TMCC3: variants seen among roughly 807,000 people sequenced by gnomAD.
TMCC3 encodes transmembrane and coiled-coil domain family 3, also known as transmembrane and coiled-coil domain protein 3.
A neutral mutation model predicts 40.2 loss-of-function variants in TMCC3; 28 were observed. The observed-to-expected ratio is 0.70, with a 90% CI of 0.52 to 0.95. TMCC3 has a LOEUF of 0.95. Among genes scored for constraint, TMCC3 ranks in the 40% least tolerant of loss-of-function variants. The pLI is 0.00. For synonymous variants in TMCC3, 255 were observed against 248.5 expected (o/e 1.03, Z -0.25); for missense variants, 554 against 615.2 (o/e 0.90, Z 1.05).
At chr12:94,608,992 G>A (rs2068799552) in intron 1 of TMCC3, among the ~76,000 whole-genome samples, 2 of 152,066 alleles carry the variant, frequency 1.3e-5, no homozygotes, top group Admixed American at 1.3e-4. Context: ...CCAGCACTCT[G>A]GCTTGAGCCC....
At chr12:94,616,171 A>G in intron 1 of TMCC3, 1 of 855,634 alleles carries the variant, frequency 1.2e-6, no homozygotes, top group Non-Finnish European at 1.4e-6. Context: ...TATTCAACAC[A>G]TTGCTGTACA....
intron 1 of TMCC3, among the ~76,000 whole-genome samples, chr12:94,643,850 AC>A (rs2069003939): frequency 6.6e-6 from 1 of 152,260 alleles, no homozygotes; most frequent in South Asian, 2.1e-4. Flanking sequence ...GTTGAGACAT[AC>A]ACAGGTTCAA....
rs775704729 is a variant in TMCC3, at chr12:94,582,537, A to G, written c.80T>C (p.Val27Ala). 1 of 1,586,820 alleles carries G rather than the reference A, an allele frequency of 6.3e-7. No individual in the cohort carries two copies. Among genetic ancestry groups the G allele is most frequent in the South Asian group, 1.2e-5 (1 of 86,712 alleles). ...PGRHHRCKSR[V>A]ERHDMNTLSL... ...TAAGGTATTCATGTCATGACGTTCT[A>G]CCTGAAAGAGACAGGAAAGAAGCAC... The change falls in exon 2 of 4, where the codon GTA becomes GCA. Residue 27 changes from valine to alanine, a missense_variant and splice_region_variant. Transcript: ENST00000261226.
chr12:94,598,521 G>T, intron 1 of TMCC3: 1 of 946,940 alleles, frequency 1.1e-6, no homozygotes, highest in Non-Finnish European at 1.3e-6. Flanking sequence ...GCATTCATAA[G>T]TAGGAGAAGA....
At chr12:94,648,520 C>T (rs879907008) in intron 1 of TMCC3, among the ~76,000 whole-genome samples, 9 of 152,156 alleles carry the variant, frequency 5.9e-5, no homozygotes, top group Non-Finnish European at 1.2e-4. Context: ...CCACCGCCCC[C>T]GGCCCGTCAG....
chr12:94,619,546 C>CA (rs2068864380), intron 1 of TMCC3, among the ~76,000 whole-genome samples: 1 of 152,224 alleles, frequency 6.6e-6, no homozygotes, highest in Non-Finnish European at 1.5e-5. Flanking sequence ...GCATCAGACT[C>CA]AGCTGAGCCC....
intron 1 of TMCC3, among the ~76,000 whole-genome samples, chr12:94,630,522 T>C (rs1480944675): frequency 6.6e-6 from 1 of 152,116 alleles, no homozygotes; most frequent in East Asian, 1.9e-4. Flanking sequence ...GAGCCTCAGT[T>C]CTTCTTTCCT....
chr12:94,591,995 C>T (rs2068679097), intron 1 of TMCC3, among the ~76,000 whole-genome samples: 1 of 152,178 alleles, frequency 6.6e-6, no homozygotes, highest in Admixed American at 6.5e-5. Flanking sequence ...CATATTACTA[C>T]CTTCATGGGA....
At chr12:94,578,241 T>C (rs1454077517) in intron 3 of TMCC3, among the ~76,000 whole-genome samples, 153 bp downstream of exon 3, 1 of 151,820 alleles carries the variant, frequency 6.6e-6, no homozygotes, top group African/African-American at 2.4e-5. Flanking sequence ...CTAGTGGGGT[T>C]AACGTGGTAC....
rs751266140 is a variant in TMCC3, at chr12:94,568,018, CAA to C, written c.*3415_*3416del. ...GAGTGGGGCAATATTTAAATGAAAACAAGAGTGACAGAGCTGGAAAGAGCGAA... is the reference window on the plus strand; with the variant it reads ...GAGTGGGGCAATATTTAAATGAAAACGAGTGACAGAGCTGGAAAGAGCGAA... On this transcript the variant is annotated 3_prime_UTR_variant, in exon 4 of 4. Coordinates refer to ENST00000261226, the MANE Select transcript of TMCC3 (RefSeq NM_020698.4). 3.3e-5 allele frequency: 5 copies of C among 152,004 alleles called. No homozygotes were observed. The highest frequency in any genetic ancestry group is 9.7e-5 in the African/African-American group (4 of 41,360). The allele number at this position is 152,004 out of a possible 1,614,324, so 9.4% of individuals were successfully genotyped here. A position where few individuals can be genotyped will look rare whatever the true frequency, so the allele number is the denominator to read the frequency against.
chr12:94,607,893 A>T (rs1249935376), intron 1 of TMCC3, among the ~76,000 whole-genome samples: 1 of 152,226 alleles, frequency 6.6e-6, no homozygotes, highest in Non-Finnish European at 1.5e-5. Context: ...TATCACCCTG[A>T]ACTTGATGAA....
chr12:94,575,990 A>G (rs180912072), intron 3 of TMCC3, among the ~76,000 whole-genome samples: 355 of 152,240 alleles, frequency 2.3e-3, no homozygotes, highest in African/African-American at 8.4e-3. Flanking sequence ...GTTGGCCAGG[A>G]TGGTCTTGAA....
intron 1 of TMCC3, among the ~76,000 whole-genome samples, chr12:94,645,881 G>A (rs747703839): frequency 3.9e-5 from 6 of 152,082 alleles, no homozygotes; most frequent in African/African-American, 7.2e-5. Flanking sequence ...TGAGATGCTC[G>A]GCCTATAGTA....
At chr12:94,617,560 A>G (rs2068854452) in intron 1 of TMCC3, among the ~76,000 whole-genome samples, 1 of 152,258 alleles carries the variant, frequency 6.6e-6, no homozygotes, top group Non-Finnish European at 1.5e-5. Context: ...GCAGCAGATT[A>G]TAAGTTTTCT....
chr12:94,597,117 T>TAAA (rs1265233755), intron 1 of TMCC3, among the ~76,000 whole-genome samples: 2 of 79,298 alleles, frequency 2.5e-5, no homozygotes, highest in African/African-American at 1.0e-4. Flanking sequence ...CTGTCTCTAT[T>TAAA]AAAATACATA....
chr12:94,591,115 G>A, intron 1 of TMCC3: 1 of 469,530 alleles, frequency 2.1e-6, no homozygotes, highest in Non-Finnish European at 4.2e-6. Context: ...CCCCTCCATT[G>A]ACAGCTGGAT....
intron 1 of TMCC3, chr12:94,616,542 A>T (rs2068848952): frequency 6.6e-6 from 1 of 152,362 alleles, no homozygotes; most frequent in Non-Finnish European, 1.5e-5. Flanking sequence ...AGGCGCAGCG[A>T]GGCGTGCTGG....
In TMCC3 at chr12:94,569,457, T is replaced by C. The variant is rs1374605309; in HGVS notation, c.*1978A>G. The C allele has an allele frequency of 1.3e-5, 2 of 152,140 alleles. No homozygotes were observed. The highest frequency in any genetic ancestry group is 2.9e-5 in the Non-Finnish European group (2 of 68,032). The allele number at this position is 152,140 out of a possible 1,614,324, so 9.4% of individuals were successfully genotyped here. On this transcript the variant is annotated 3_prime_UTR_variant, in exon 4 of 4. Transcript: ENST00000261226. ...CGGTAGACCAGGGGGAGTCTGACAA[T>C]GAAAGGAGAGACAGCCATGAGATCA...
Position 94,571,566 on chromosome 12 carries a change from A to G in TMCC3, c.1303T>C (p.Phe435Leu), listed in dbSNP as rs771545168. 1.4e-5 allele frequency: 23 copies of G among 1,614,200 alleles called. No individual in the cohort carries two copies. Among genetic ancestry groups the G allele is most frequent in the Non-Finnish European group, 1.9e-5 (23 of 1,180,044 alleles). ...ILVCVSTIAKFVSPMMKSRCH... is the reference protein window; with the variant it reads ...ILVCVSTIAKLVSPMMKSRCH... ...CGACTCTTCATCATGGGTGAGACGA[A>G]CTTCGCGATGGTGGACACACACACT... is the stretch of plus-strand genomic sequence containing the variant. Residue 435 changes from phenylalanine to leucine, a missense_variant, in exon 4 of 4, where the codon TTC becomes CTC. Physicochemically the swap from Phe to Leu is conservative, Grantham distance 22. Transcript: ENST00000261226.
Sources: allele counts gnomAD v4.1 joint callset (sites outside exome capture counted in the v4.1 genomes callset), GRCh38; gene constraint gnomAD v4.1.1; transcripts MANE v1.5; gene names NCBI Gene and HGNC (gene_info 2026-07-23, HGNC 2026-07-21).